UGDH: variants seen among roughly 807,000 people sequenced by gnomAD.
UGDH encodes the protein UDP-Glc dehydrogenase.
Under a neutral mutation model 50.6 loss-of-function variants are expected in UGDH, and 38 were observed. The ratio of observed to expected loss-of-function variants is 0.75; its 90% CI spans 0.58 to 0.98. The LOEUF is 0.98. Ranked by LOEUF, UGDH falls within the 50% of genes least tolerant of loss-of-function variation. UGDH has a pLI of 0.00. For synonymous variants in UGDH, 168 were observed against 199.9 expected (o/e 0.84, Z 1.35); for missense variants, 465 against 606.2 (o/e 0.77, Z 2.45).
In UGDH at chr4:39,502,980, G is replaced by A. The variant is rs1745881878; in HGVS notation, c.1374+895C>T. Among the ~76,000 whole-genome samples, 3 of 152,218 alleles carry A rather than the reference G, an allele frequency of 2.0e-5. No individual in the cohort carries two copies. In the South Asian group the frequency reaches 6.2e-4, roughly 32 times the overall value. ...CACCCAGGCTGGAGTGCAGTGGTGT[G>A]ATCTTGGCTCACTGCAACCTCCGCC... On this transcript the variant is annotated intron_variant, in intron 11 of 11. Transcript: ENST00000316423.
chr4:39,510,715 T>G lies in UGDH; in HGVS notation c.411A>C (p.Ala137=). 1 of 1,614,246 alleles carries G rather than the reference T, an allele frequency of 6.2e-7. No individual in the cohort carries two copies. Among genetic ancestry groups the G allele is most frequent in the African/African-American group, 1.3e-5 (1 of 75,072 alleles). ...TEKSTVPVRA[A]ESIRRIFDAN... is the part of the protein sequence containing the mutation. Reference sequence around the variant, plus strand: ...CATCAAATATGCGACGGATACTTTCTGCTGCCCGCACTGGAACTGTGCTTT... The same window carrying G: ...CATCAAATATGCGACGGATACTTTCGGCTGCCCGCACTGGAACTGTGCTTT... Residue 137 remains alanine, a synonymous_variant, in exon 4 of 12, where the codon GCA becomes GCC. Transcript: ENST00000316423.
intron 2 of UGDH, among the ~76,000 whole-genome samples, chr4:39,515,844 C>T (rs576212987): frequency 6.6e-6 from 1 of 152,086 alleles, no homozygotes; most frequent in Non-Finnish European, 1.5e-5. Context: ...GGATTACAGG[C>T]GCACACCACC....
In UGDH at chr4:39,512,414, A is replaced by G. The variant is rs111627465; in HGVS notation, c.265-1553T>C. Among the ~76,000 whole-genome samples the G allele has an allele frequency of 9.7e-3, 1,481 of 152,318 alleles. 22 individuals carry two copies. The highest frequency in any genetic ancestry group is 0.032 in the African/African-American group (1,337 of 41,574). ...TGGAACAACTTAGGGCAAGAGTTAC[A>G]TGTAATGGTGTACGGAAAGGCAAAG... On this transcript the variant is annotated intron_variant, in intron 3 of 11. Coordinates refer to ENST00000316423, the MANE Select transcript of UGDH (RefSeq NM_003359.4).
chr4:39,501,295 G>C (rs1046577491), intron 11 of UGDH, among the ~76,000 whole-genome samples: 2 of 120,684 alleles, frequency 1.7e-5, no homozygotes, highest in Admixed American at 1.9e-4. Context: ...TTTTTTTTGA[G>C]ATGGAGTCTC....
At chr4:39,521,851 A>G (rs1746675437) in intron 1 of UGDH, among the ~76,000 whole-genome samples, 1 of 152,248 alleles carries the variant, frequency 6.6e-6, no homozygotes, top group South Asian at 2.1e-4. Flanking sequence ...ATAATACACT[A>G]GGACAACTTT....
intron 5 of UGDH, 124 bp downstream of exon 5, chr4:39,510,229 G>T: frequency 1.0e-6 from 1 of 985,566 alleles, no homozygotes; most frequent in Non-Finnish European, 1.5e-6. Flanking sequence ...GAATGTGCAA[G>T]AATATGATCT....
chr4:39,517,398 C>T (rs963731459), intron 2 of UGDH, among the ~76,000 whole-genome samples: 2 of 151,900 alleles, frequency 1.3e-5, no homozygotes, highest in Admixed American at 6.6e-5. Context: ...TAAATACAGA[C>T]GGGGTTTCAC....
At chr4:39,519,030 C>A (rs542930422) in intron 2 of UGDH, among the ~76,000 whole-genome samples, 2 of 152,140 alleles carry the variant, frequency 1.3e-5, no homozygotes, top group East Asian at 3.9e-4. Flanking sequence ...AATTCTCTCG[C>A]CTCAGCCTCC....
chr4:39,505,986 C>G (rs2109922020), intron 7 of UGDH, among the ~76,000 whole-genome samples: 1 of 152,016 alleles, frequency 6.6e-6, no homozygotes, highest in Non-Finnish European at 1.5e-5. Context: ...AATCCCAGCA[C>G]TTTGGGAGGC....
intron 3 of UGDH, among the ~76,000 whole-genome samples, chr4:39,513,253 A>C (rs1034479498): frequency 6.6e-6 from 1 of 152,210 alleles, no homozygotes; most frequent in Non-Finnish European, 1.5e-5. Context: ...ACTAGAGTTT[A>C]ATCTCAAGTG....
At chr4:39,515,014 T>C (rs1746391435) in intron 2 of UGDH, among the ~76,000 whole-genome samples, 1 of 152,062 alleles carries the variant, frequency 6.6e-6, no homozygotes, top group South Asian at 2.1e-4. Context: ...TTTCGCTCTG[T>C]TCCCCAGGCT....
At chr4:39,503,020 G>A (rs549697076) in intron 11 of UGDH, among the ~76,000 whole-genome samples, 47 of 152,212 alleles carry the variant, frequency 3.1e-4, no homozygotes, top group African/African-American at 1.0e-3. Context: ...AGGTTTAAGC[G>A]ATTCTCCTGC....
intron 3 of UGDH, among the ~76,000 whole-genome samples, chr4:39,511,856 C>T (rs114932034): frequency 0.029 from 4,435 of 151,040 alleles, 107 homozygotes; most frequent in African/African-American, 0.066. Flanking sequence ...ATTACAAGTG[C>T]GCCACCACAC....
At chr4:39,501,085 C>T (rs889127930) in intron 11 of UGDH, among the ~76,000 whole-genome samples, 2 of 151,776 alleles carry the variant, frequency 1.3e-5, no homozygotes, top group Admixed American at 1.3e-4. Flanking sequence ...CTCGCCTCAG[C>T]CTCCCAAGTA....
At chr4:39,508,948 G>T (rs1746128834) in intron 6 of UGDH, among the ~76,000 whole-genome samples, 1 of 141,432 alleles carries the variant, frequency 7.1e-6, no homozygotes, top group Non-Finnish European at 1.5e-5. Context: ...TAGTATGACT[G>T]CCCCACATTC....
intron 1 of UGDH, among the ~76,000 whole-genome samples, chr4:39,524,282 T>C (rs1400246180): frequency 6.6e-6 from 1 of 152,152 alleles, no homozygotes. Flanking sequence ...CTTAAGGAGT[T>C]CATAGTTTAA....
chr4:39,515,530 T>A (rs376768062), intron 2 of UGDH, among the ~76,000 whole-genome samples: 1 of 151,918 alleles, frequency 6.6e-6, no homozygotes, highest in Non-Finnish European at 1.5e-5. Context: ...ACAGGAGATA[T>A]ATTTATGTTA....
chr4:39,500,244 T>G lies in UGDH; in HGVS notation c.1384A>C (p.Ile462Leu). Residue 462 changes from isoleucine to leucine, a missense_variant, in exon 12 of 12, where the codon ATT becomes CTT. Physicochemically the swap from Ile to Leu is conservative, Grantham distance 5. Coordinates refer to ENST00000316423, the MANE Select transcript of UGDH (RefSeq NM_003359.4). The stretch of plus-strand genomic sequence containing the variant: ...CTCTTTGAAGACACCTTTTTGCCAA[T>G]TGTTTCAATCTGAAAAAAAAATAAA... Reference protein sequence around the residue: ...LQTIGFQIETIGKKVSSKRIP... With the variant: ...LQTIGFQIETLGKKVSSKRIP... 4 of 1,585,502 alleles carry G rather than the reference T, an allele frequency of 2.5e-6. No homozygotes were observed. Among genetic ancestry groups the G allele is most frequent in the Non-Finnish European group, 3.4e-6 (4 of 1,165,578 alleles).
intron 2 of UGDH, among the ~76,000 whole-genome samples, chr4:39,520,114 C>A (rs4389589): frequency 6.6e-6 from 1 of 151,696 alleles, no homozygotes; most frequent in African/African-American, 2.4e-5. Context: ...CGAGGAGGGG[C>A]GATCCCCTGA....
Sources: gnomAD v4.1 joint callset for allele counts (sites outside exome capture counted in the v4.1 genomes callset) on GRCh38, gnomAD v4.1.1 for gene constraint, MANE v1.5 for transcripts, NCBI Gene and HGNC (gene_info 2026-07-23, HGNC 2026-07-21) for gene names.